The following FARS2 variants were observed in gnomAD, a reference collection of about 807,000 sequenced individuals.
The protein encoded by FARS2 is phenylalanine--tRNA ligase, mitochondrial.
Under a neutral mutation model 46.4 loss-of-function variants are expected in FARS2, and 40 were observed. That is an observed-to-expected ratio of 0.86 (90% confidence interval 0.67 to 1.12). FARS2 has a LOEUF of 1.12. Ranked by LOEUF, FARS2 falls within the 50% of genes most tolerant of loss-of-function variation. The probability of loss-of-function intolerance (pLI) is 0.00; values close to 1 mark genes in which losing one functional copy is unlikely to be tolerated. For synonymous variants in FARS2, 234 were observed against 214.9 expected, an observed-to-expected ratio of 1.09 and a Z score of -0.78; for missense variants, 513 against 567.9, an observed-to-expected ratio of 0.90 and a Z score of 0.98.
chr6:5,717,933 T>TATATATATATATATATATACATACATAC (rs1554128879), intron 6 of FARS2, among the ~76,000 whole-genome samples: 1 of 128,232 alleles, frequency 7.8e-6, no homozygotes, highest in African/African-American at 3.9e-5. Context: ...TATATATATA[T>TATATATATATATATATATACATACATAC]ATACAGAGTC....
chr6:5,684,123 G>A (rs6900682), intron 6 of FARS2, among the ~76,000 whole-genome samples: 143,469 of 152,250 alleles, frequency 0.94, 67,651 homozygotes, highest in East Asian at 0.97. Context: ...ATACCTGCCC[G>A]GCTTGCCTTT....
chr6:5,339,867 G>A (rs1238267571), intron 1 of FARS2, among the ~76,000 whole-genome samples: 1 of 152,238 alleles, frequency 6.6e-6, no homozygotes, highest in African/African-American at 2.4e-5. Context: ...AAGCAGAGCT[G>A]TAAAAGCTTA....
chr6:5,645,742 C>G (rs755086373), intron 6 of FARS2, among the ~76,000 whole-genome samples: 1 of 152,134 alleles, frequency 6.6e-6, no homozygotes, highest in Non-Finnish European at 1.5e-5. Flanking sequence ...CTGGCACAGC[C>G]GGCTGCATTC....
chr6:5,504,023 G>A (rs1767961690), intron 4 of FARS2, among the ~76,000 whole-genome samples: 1 of 152,140 alleles, frequency 6.6e-6, no homozygotes, highest in Non-Finnish European at 1.5e-5. Flanking sequence ...TTAGAGACTT[G>A]CCATTATTAA....
In FARS2 at chr6:5,422,680, G is replaced by A. The variant is rs1180950207; in HGVS notation, c.773-8361G>A. Among the ~76,000 whole-genome samples, 38 of 152,232 alleles carry A rather than the reference G, an allele frequency of 2.5e-4. 1 individual carries two copies. Among genetic ancestry groups the A allele is most frequent in the Admixed American group, 2.4e-3 (37 of 15,286 alleles). On this transcript the variant is annotated intron_variant, in intron 3 of 6. Coordinates refer to ENST00000274680, the MANE Select transcript of FARS2 (RefSeq NM_006567.5). Reference sequence around the variant, plus strand: ...CAGTGTATATGCCAGCCTCACATCAGCGTAAGCATGAAGTGAGAGCAGGCA... The same window carrying A: ...CAGTGTATATGCCAGCCTCACATCAACGTAAGCATGAAGTGAGAGCAGGCA...
Position 5,508,046 on chromosome 6 carries a change from G to A in FARS2, c.905-37134G>A, listed in dbSNP as rs111862887. On this transcript the variant is annotated intron_variant, in intron 4 of 6. Transcript: ENST00000274680. The stretch of plus-strand genomic sequence containing the variant: ...ATGAAGTTTTATTAAAGCAAGGTAT[G>A]CTTCTATGTTTCACAATAAGTTATT... 1.1e-3 allele frequency among the ~76,000 whole-genome samples: 171 copies of A among 152,310 alleles called. 3 individuals carry two copies. Among genetic ancestry groups the A allele is most frequent in the African/African-American group, 3.9e-3 (162 of 41,566 alleles).
chr6:5,694,624 T>C (rs1757978566), intron 6 of FARS2, among the ~76,000 whole-genome samples: 1 of 152,146 alleles, frequency 6.6e-6, no homozygotes. Flanking sequence ...CAACCAGGTG[T>C]ATATATTTCT....
chr6:5,426,945 A>AT (rs1762888643), intron 3 of FARS2, among the ~76,000 whole-genome samples: 2 of 152,292 alleles, frequency 1.3e-5, no homozygotes, highest in African/African-American at 4.8e-5. Context: ...ACAAATTTAA[A>AT]TTGTTAAAAT....
At chr6:5,497,283 T>C (rs753710552) in intron 4 of FARS2, among the ~76,000 whole-genome samples, 1 of 152,172 alleles carries the variant, frequency 6.6e-6, no homozygotes, top group African/African-American at 2.4e-5. Flanking sequence ...TGAGTTTGAA[T>C]TGATAACTGT....
At chr6:5,294,009 C>G (rs1767681603) in intron 1 of FARS2, among the ~76,000 whole-genome samples, 1 of 152,214 alleles carries the variant, frequency 6.6e-6, no homozygotes, top group Admixed American at 6.5e-5. Context: ...CATACACACA[C>G]AGCACGAATG....
At chr6:5,286,045 CTT>C (rs56821380) in intron 1 of FARS2, among the ~76,000 whole-genome samples, 34,364 of 152,020 alleles carry the variant, frequency 0.23, 4,512 homozygotes, top group African/African-American at 0.35. Context: ...TCTTATGTCT[CTT>C]TCTCCAGGAT....
intron 4 of FARS2, among the ~76,000 whole-genome samples, chr6:5,500,908 A>T (rs1317295519): frequency 6.6e-6 from 1 of 150,964 alleles, no homozygotes; most frequent in Non-Finnish European, 1.5e-5. Flanking sequence ...TGTCCTTGTG[A>T]CATTCCAGTC....
At chr6:5,449,979 C>T (rs375237253) in intron 4 of FARS2, among the ~76,000 whole-genome samples, 1 of 152,210 alleles carries the variant, frequency 6.6e-6, no homozygotes, top group African/African-American at 2.4e-5. Flanking sequence ...CCTGCACTTC[C>T]CTGAGGAACC....
chr6:5,532,025 A>C (rs1019161075), intron 4 of FARS2, among the ~76,000 whole-genome samples: 1 of 152,236 alleles, frequency 6.6e-6, no homozygotes, highest in African/African-American at 2.4e-5. Flanking sequence ...TGTATATTAC[A>C]GTCAAATCTA....
At chr6:5,389,615 G>C (rs772210713) in intron 2 of FARS2, among the ~76,000 whole-genome samples, 1 of 152,142 alleles carries the variant, frequency 6.6e-6, no homozygotes, top group Non-Finnish European at 1.5e-5. Flanking sequence ...GGCAAAGATT[G>C]ACTTATGAAG....
chr6:5,379,332 A>G (rs781033324), intron 2 of FARS2, among the ~76,000 whole-genome samples: 43 of 152,298 alleles, frequency 2.8e-4, no homozygotes, highest in Non-Finnish European at 5.1e-4. Flanking sequence ...ATAAGAGCAC[A>G]TGTGTCTGTT....
chr6:5,452,965 G>A (rs1764590064), intron 4 of FARS2, among the ~76,000 whole-genome samples: 1 of 152,156 alleles, frequency 6.6e-6, no homozygotes, highest in African/African-American at 2.4e-5. Context: ...GTTTTGCAGG[G>A]TGTGCGGTGG....
intron 1 of FARS2, among the ~76,000 whole-genome samples, chr6:5,290,801 G>A (rs768740890): frequency 4.6e-5 from 7 of 152,160 alleles, no homozygotes; most frequent in African/African-American, 7.2e-5. Context: ...GGTCACTGTA[G>A]CCTCCACCTC....
At chr6:5,258,048 G>A (rs1424162318), upstream of FARS2, among the ~76,000 whole-genome samples, 4 of 152,140 alleles carry the variant, frequency 2.6e-5, no homozygotes, top group African/African-American at 9.7e-5. Context: ...CTCTAGACAG[G>A]AGTGATAAAG....
Sources: gnomAD v4.1 joint callset for allele counts (sites outside exome capture counted in the v4.1 genomes callset) on GRCh38, gnomAD v4.1.1 for gene constraint, MANE v1.5 for transcripts, NCBI Gene and HGNC (gene_info 2026-07-23, HGNC 2026-07-21) for gene names.